CACNA2D3: variants seen among roughly 807,000 people sequenced by gnomAD.
The protein encoded by CACNA2D3 is voltage-dependent calcium channel subunit alpha-2/delta-3.
CACNA2D3 carries 60 observed loss-of-function variants against 160.6 expected under a neutral mutation model. The ratio of observed to expected loss-of-function variants is 0.37; its 90% CI spans 0.30 to 0.46. The LOEUF (loss-of-function observed/expected upper bound fraction) is 0.46, where lower values mean the gene tolerates loss of function less well. CACNA2D3 is among the 20% of genes least tolerant of loss of function. The probability of loss-of-function intolerance (pLI) is 1.00; values close to 1 mark genes in which losing one functional copy is unlikely to be tolerated. For synonymous variants in CACNA2D3, 558 were observed against 492.9 expected (o/e 1.13, Z -1.75); for missense variants, 1,205 against 1,365.0 (o/e 0.88, Z 1.85).
chr3:55,069,658 A>G (rs1704755077), intron 35 of CACNA2D3, among the ~76,000 whole-genome samples: 1 of 152,208 alleles, frequency 6.6e-6, no homozygotes, highest in African/African-American at 2.4e-5. Context: ...CTATGAACAC[A>G]GCAATATCTG....
At chr3:54,838,740 C>T (rs564297108) in intron 16 of CACNA2D3, 92 bp downstream of exon 16, 24 of 961,590 alleles carry the variant, frequency 2.5e-5, no homozygotes, top group African/African-American at 1.9e-4. Context: ...TACTTTGGAG[C>T]GATGTTTTTG....
At chr3:54,569,774 A>G (rs776905893) in intron 6 of CACNA2D3, 21 bp from the exon 7 acceptor site, 1 of 1,566,092 alleles carries the variant, frequency 6.4e-7, no homozygotes, top group Non-Finnish European at 8.7e-7. Context: ...TGGGTTTCTC[A>G]TAACCCCATT....
chr3:54,512,026 A>T (rs1359389164), intron 5 of CACNA2D3, among the ~76,000 whole-genome samples: 1 of 152,080 alleles, frequency 6.6e-6, no homozygotes, highest in African/African-American at 2.4e-5. Context: ...CCCTGGGCTG[A>T]CTCAGTTAGT....
intron 2 of CACNA2D3, among the ~76,000 whole-genome samples, chr3:54,313,133 G>T (rs1480606744): frequency 6.6e-6 from 1 of 152,048 alleles, no homozygotes; most frequent in African/African-American, 2.4e-5. Context: ...CAGTAAGACT[G>T]CAGGGCAGCC....
chr3:54,661,740 A>G (rs1699974994), intron 11 of CACNA2D3, among the ~76,000 whole-genome samples: 1 of 152,054 alleles, frequency 6.6e-6, no homozygotes, highest in South Asian at 2.1e-4. Flanking sequence ...GCTGCAATAG[A>G]TTCACCAGAG....
At chr3:54,403,771 ACT>A (rs1467694895) in intron 4 of CACNA2D3, among the ~76,000 whole-genome samples, 1 of 152,090 alleles carries the variant, frequency 6.6e-6, no homozygotes, top group East Asian at 1.9e-4. Context: ...AAGAGAGAAG[ACT>A]CAAATATATG....
At chr3:54,368,057 T>C (rs1278793101) in intron 3 of CACNA2D3, among the ~76,000 whole-genome samples, 1 of 152,246 alleles carries the variant, frequency 6.6e-6, no homozygotes, top group Non-Finnish European at 1.5e-5. Flanking sequence ...TTTGTCTTAA[T>C]GAAGTATTGG....
At chr3:54,428,520 T>TA (rs997171752) in intron 4 of CACNA2D3, among the ~76,000 whole-genome samples, 1 of 151,924 alleles carries the variant, frequency 6.6e-6, no homozygotes, top group Admixed American at 6.6e-5. Context: ...TTATGGATGT[T>TA]AAAAAAAGTC....
At chr3:54,446,812 T>C (rs1345468999) in intron 4 of CACNA2D3, among the ~76,000 whole-genome samples, 2 of 151,946 alleles carry the variant, frequency 1.3e-5, no homozygotes, top group Admixed American at 6.6e-5. Flanking sequence ...TTCCCTGGCC[T>C]CCCCTCCCTC....
At chr3:54,549,050 A>T (rs955955578) in intron 5 of CACNA2D3, among the ~76,000 whole-genome samples, 1 of 152,176 alleles carries the variant, frequency 6.6e-6, no homozygotes, top group Admixed American at 6.5e-5. Flanking sequence ...TTGGCTCCCC[A>T]TCCAGACCTC....
chr3:55,023,890 T>C (rs1022231368), intron 35 of CACNA2D3, among the ~76,000 whole-genome samples: 1 of 150,778 alleles, frequency 6.6e-6, no homozygotes, highest in African/African-American at 2.4e-5. Context: ...TGCCAGATTA[T>C]CCATTTTTTA....
At chr3:54,575,773 C>T (rs1250115310) in intron 8 of CACNA2D3, among the ~76,000 whole-genome samples, 3 of 152,084 alleles carry the variant, frequency 2.0e-5, no homozygotes, top group Non-Finnish European at 4.4e-5. Context: ...GATAAGTAGG[C>T]TAGCCAGGCA....
intron 2 of CACNA2D3, among the ~76,000 whole-genome samples, chr3:54,299,236 T>C (rs561520411): frequency 6.6e-6 from 1 of 151,808 alleles, no homozygotes; most frequent in African/African-American, 2.4e-5. Flanking sequence ...CAGTGCTTTA[T>C]AGCCTAACTG....
chr3:54,243,870 C>G (rs533822586), intron 2 of CACNA2D3, among the ~76,000 whole-genome samples: 3 of 152,310 alleles, frequency 2.0e-5, no homozygotes, highest in East Asian at 3.9e-4. Flanking sequence ...GCCTGCTTTC[C>G]TCACTGGATG....
chr3:54,255,815 A>G (rs1471148822), intron 2 of CACNA2D3, among the ~76,000 whole-genome samples: 2 of 152,046 alleles, frequency 1.3e-5, no homozygotes, highest in Non-Finnish European at 2.9e-5. Context: ...AATCTCTCAA[A>G]TCATCTCAAA....
intron 33 of CACNA2D3, 131 bp from the exon 34 acceptor site, chr3:55,009,257 A>G (rs1295793703): frequency 3.9e-6 from 3 of 762,466 alleles, no homozygotes; most frequent in Non-Finnish European, 6.8e-6. Context: ...AACTCAGCCA[A>G]CTGTGTTGAT....
At chr3:54,360,659 C>G (rs773163993) in intron 3 of CACNA2D3, among the ~76,000 whole-genome samples, 2 of 152,166 alleles carry the variant, frequency 1.3e-5, no homozygotes, top group Non-Finnish European at 2.9e-5. Context: ...TCAGTTTCCT[C>G]TAGGCATGTT....
chr3:54,217,632 A>C (rs1390929123), intron 2 of CACNA2D3, among the ~76,000 whole-genome samples: 3 of 151,832 alleles, frequency 2.0e-5, no homozygotes, highest in Non-Finnish European at 4.4e-5. Flanking sequence ...GAGCGAAGTG[A>C]CTCCAGCTGA....
At chr3:54,730,287 T>A (rs1305881979) in intron 11 of CACNA2D3, among the ~76,000 whole-genome samples, 1 of 152,066 alleles carries the variant, frequency 6.6e-6, no homozygotes, top group African/African-American at 2.4e-5. Flanking sequence ...GGCACCCATA[T>A]CCATGCAAAG....
Sources: gnomAD v4.1 joint callset for allele counts (sites outside exome capture counted in the v4.1 genomes callset) on GRCh38, gnomAD v4.1.1 for gene constraint, MANE v1.5 for transcripts, NCBI Gene and HGNC (gene_info 2026-07-23, HGNC 2026-07-21) for gene names.